Variants in SLC41A1 observed in about 807,000 individuals in gnomAD.
SLC41A1 encodes solute carrier family 41 member 1.
SLC41A1 carries 20 observed loss-of-function variants against 47.3 expected under a neutral mutation model. The observed-to-expected ratio is 0.42, with a 90% confidence interval of 0.30 to 0.61. The LOEUF is 0.61. SLC41A1 is among the 20% of genes least tolerant of loss of function. The pLI is 0.17. For synonymous variants in SLC41A1, 282 were observed against 272.7 expected (o/e 1.03, Z -0.34); for missense variants, 504 against 674.1 (o/e 0.75, Z 2.79).
chr1:205,807,643 G>A (rs559321820), intron 2 of SLC41A1, among the ~76,000 whole-genome samples: 1 of 133,424 alleles, frequency 7.5e-6, no homozygotes, highest in Non-Finnish European at 1.6e-5. Context: ...TAGGCTCCTC[G>A]TAGAGTCTTT....
At chr1:205,796,479 A>G in intron 8 of SLC41A1, 1 of 238,418 alleles carries the variant, frequency 4.2e-6, no homozygotes. Flanking sequence ...TGTTTTGCCC[A>G]TTTTGCACAT....
intron 2 of SLC41A1, among the ~76,000 whole-genome samples, chr1:205,803,830 A>G (rs143702157): frequency 2.0e-5 from 3 of 152,202 alleles, no homozygotes; most frequent in African/African-American, 4.8e-5. Flanking sequence ...TATATTGCCC[A>G]GGCTGGTCTC....
Position 205,808,912 on chromosome 1 carries a change from T to C in SLC41A1, c.372+1158A>G, listed in dbSNP as rs142281034. On this transcript the variant is annotated intron_variant, in intron 2 of 10. Coordinates refer to ENST00000367137, the MANE Select transcript of SLC41A1 (RefSeq NM_173854.6). Reference sequence around the variant, plus strand: ...TCAGTCTCCCAGGACACAGGCATGGTGAGACCTACCAGCAGAACTCTATAT... The same window carrying C: ...TCAGTCTCCCAGGACACAGGCATGGCGAGACCTACCAGCAGAACTCTATAT... 5.5e-3 allele frequency among the ~76,000 whole-genome samples: 832 copies of C among 152,338 alleles called. 12 individuals carry two copies. Among genetic ancestry groups the C allele is most frequent in the African/African-American group, 0.019 (792 of 41,574 alleles).
intron 2 of SLC41A1, among the ~76,000 whole-genome samples, chr1:205,802,464 C>T (rs1168056899): frequency 6.6e-6 from 1 of 152,160 alleles, no homozygotes; most frequent in African/African-American, 2.4e-5. Context: ...CACCTATAAT[C>T]CCAGCACTTT....
intron 2 of SLC41A1, among the ~76,000 whole-genome samples, chr1:205,802,602 A>G (rs1655911160): frequency 6.6e-6 from 1 of 151,720 alleles, no homozygotes; most frequent in Admixed American, 6.6e-5. Flanking sequence ...TTGTAATCCC[A>G]AGCTACTCGG....
intron 8 of SLC41A1, chr1:205,796,159 C>A (rs1024512313): frequency 3.1e-5 from 5 of 160,322 alleles, no homozygotes; most frequent in Non-Finnish European, 6.9e-5. Flanking sequence ...CAGCAGGCAA[C>A]CAGAGGGCAG....
intron 7 of SLC41A1, 27 bp downstream of exon 7, chr1:205,797,877 G>A: frequency 6.2e-6 from 10 of 1,613,732 alleles, no homozygotes; most frequent in East Asian, 2.2e-5. Context: ...AGTGGGGTAG[G>A]AGTGGATACT....
In SLC41A1 at chr1:205,810,338, C is replaced by T. The variant is rs753574596; in HGVS notation, c.104G>A (p.Gly35Glu). The change falls in exon 2 of 11, where the codon GGG (glycine) becomes GAG (glutamate). Residue 35 changes from glycine to glutamate, a missense_variant. Physicochemically the swap from Gly to Glu is moderately conservative, Grantham distance 98. Transcript: ENST00000367137. This position sits in a 1 kb window ranked among gnomAD's most constrained non-coding sequence, Gnocchi z 5.5. ...SDGPGREPLAGTSEFLGPDGA... is the reference protein window; with the variant it reads ...SDGPGREPLAETSEFLGPDGA... ...ATCAGGCCCCAGGAACTCTGAGGTC[C>T]CAGCCAAGGGCTCTCTCCCTGGGCC... is the stretch of plus-strand genomic sequence containing the variant. The T allele has an allele frequency of 1.9e-6, 3 of 1,614,164 alleles. No individual in the cohort carries two copies. The highest frequency in any genetic ancestry group is 2.5e-6 in the Non-Finnish European group (3 of 1,180,024).
rs1477928127 is a variant in SLC41A1, at chr1:205,810,159, A to T, written c.283T>A (p.Ser95Thr). ...PAPPSPLKETSFSIGLQVLFP... is the reference protein window; with the variant it reads ...PAPPSPLKETTFSIGLQVLFP... Reference sequence around the variant, plus strand: ...AGTACTTGCAGCCCGATGGAAAAGGAGGTCTCCTTGAGCGGGGAAGGTGGC... The same window carrying T: ...AGTACTTGCAGCCCGATGGAAAAGGTGGTCTCCTTGAGCGGGGAAGGTGGC... The change falls in exon 2 of 11, where the codon TCC becomes ACC. Residue 95 changes from serine to threonine, a missense_variant. Physicochemically the swap from Ser to Thr is moderately conservative, Grantham distance 58. This residue lies in a region of SLC41A1 where 421 missense variants were observed against 601.6 expected (regional missense o/e 0.70). Transcript: ENST00000367137. This position sits in a 1 kb window ranked among gnomAD's most constrained non-coding sequence, Gnocchi z 5.5. The T allele has an allele frequency of 7.4e-6, 12 of 1,614,222 alleles. No homozygotes were observed. The highest frequency in any genetic ancestry group is 1.0e-5 in the Non-Finnish European group (12 of 1,180,038).
chr1:205,805,879 G>C (rs901389768), intron 2 of SLC41A1, among the ~76,000 whole-genome samples: 1 of 152,198 alleles, frequency 6.6e-6, no homozygotes, highest in African/African-American at 2.4e-5. Context: ...TGCCTTCAAG[G>C]GTTCTGGCCT....
rs1310246069 is a variant in SLC41A1, at chr1:205,809,520, C to A, written c.372+550G>T. On this transcript the variant is annotated intron_variant, in intron 2 of 10. Transcript: ENST00000367137. The stretch of plus-strand genomic sequence containing the variant: ...AGACAGCAAGTGCCCACCCCCACCC[C>A]CCAAGGGGATTATGCCAAGGTTACA... Among the ~76,000 whole-genome samples, 3 of 152,218 alleles carry A rather than the reference C, an allele frequency of 2.0e-5. No individual in the cohort carries two copies. In the South Asian group the frequency reaches 6.2e-4, roughly 32 times the overall value.
In SLC41A1 at chr1:205,807,768, T is replaced by C. The variant is rs186864774; in HGVS notation, c.372+2302A>G. 1.0e-3 allele frequency among the ~76,000 whole-genome samples: 146 copies of C among 145,450 alleles called. 2 individuals are homozygous for C. Among genetic ancestry groups the C allele is most frequent in the Admixed American group, 8.6e-3 (122 of 14,124 alleles). Reference sequence around the variant, plus strand: ...ACTCCTGGGCTCAAGTGATCACTCCTATCTCAGCCTCTCAAAGTGCTGGAA... The same window carrying C: ...ACTCCTGGGCTCAAGTGATCACTCCCATCTCAGCCTCTCAAAGTGCTGGAA... On this transcript the variant is annotated intron_variant, in intron 2 of 10. Coordinates refer to ENST00000367137, the MANE Select transcript of SLC41A1 (RefSeq NM_173854.6).
In SLC41A1 at chr1:205,795,379, C is replaced by T. The variant is rs368438972; in HGVS notation, c.1172G>A (p.Arg391His). ...GAAGGTGGTACAAGGACTGGGACAG[C>T]GGCGAGGAGCTTGCTCAGAGTTCTC... ...PGENSEQAPR[R>H]CPSPCTTFFS... Residue 391 changes from arginine (R) to histidine (H), a missense_variant, in exon 9 of 11, where the codon CGC (arginine) becomes CAC (histidine). Physicochemically the swap from Arg to His is conservative, Grantham distance 29. Transcript: ENST00000367137. The T allele has an allele frequency of 3.3e-5, 53 of 1,614,058 alleles. No individual in the cohort carries two copies. The highest frequency in any genetic ancestry group is 3.4e-5 in the Non-Finnish European group (40 of 1,180,034).
chr1:205,796,292 A>T lies in SLC41A1; in HGVS notation c.1072+632T>A, dbSNP rs2102502203. On this transcript the variant is annotated intron_variant, in intron 8 of 10. Coordinates refer to ENST00000367137, the MANE Select transcript of SLC41A1 (RefSeq NM_173854.6). Reference sequence around the variant, plus strand: ...CCTATAATGCTATTCCCTCGTTACTATGGTTTGAATATAGTTTGTCCCCAA... The same window carrying T: ...CCTATAATGCTATTCCCTCGTTACTTTGGTTTGAATATAGTTTGTCCCCAA... 2 of 162,680 alleles carry T rather than the reference A, an allele frequency of 1.2e-5. 1 individual carries two copies. The highest frequency in any genetic ancestry group is 2.7e-5 in the Non-Finnish European group (2 of 74,254). 10.1% of individuals were successfully genotyped at this position (162,680 alleles called of 1,614,324 possible). A position where few individuals can be genotyped will look rare whatever the true frequency, so the allele number is the denominator to read the frequency against.
intron 2 of SLC41A1, among the ~76,000 whole-genome samples, chr1:205,802,482 C>T (rs148704260): frequency 2.7e-3 from 408 of 152,124 alleles, no homozygotes; most frequent in Middle Eastern, 6.8e-3. Flanking sequence ...TTTGGGAGGC[C>T]GAGGCGGGCA....
At position 205,791,462 on chromosome 1, in the gene SLC41A1, G is replaced by T; in HGVS notation, c.*71C>A. The T allele has an allele frequency of 6.4e-7, 1 of 1,570,822 alleles. No individual in the cohort carries two copies. The highest frequency in any genetic ancestry group is 8.7e-7 in the Non-Finnish European group (1 of 1,143,926). On this transcript the variant is annotated 3_prime_UTR_variant, in exon 11 of 11. Transcript: ENST00000367137. The surrounding 1 kb of genome is among the most constrained non-coding windows in gnomAD (Gnocchi z 4.0). ...AGAGGTGGGAGTGTGGGGTGGAGGA[G>T]GGACAGGGGAACAAAAGAAAAATTT...
chr1:205,795,211 C>A, intron 9 of SLC41A1, 133 bp downstream of exon 9: 4 of 1,507,628 alleles, frequency 2.7e-6, no homozygotes, highest in Non-Finnish European at 3.6e-6. Flanking sequence ...GGGCTCTGCC[C>A]TTCAGAACAG....
At chr1:205,792,524 C>T (rs766452524) in intron 10 of SLC41A1, among the ~76,000 whole-genome samples, 1 of 152,142 alleles carries the variant, frequency 6.6e-6, no homozygotes, top group African/African-American at 2.4e-5. Flanking sequence ...CGCTAGTGGG[C>T]CCAGGACCAG....
intron 6 of SLC41A1, 93 bp downstream of exon 6, chr1:205,798,576 G>C: frequency 6.4e-7 from 1 of 1,566,470 alleles, no homozygotes; most frequent in Non-Finnish European, 8.8e-7. Context: ...AATAGTTTAA[G>C]AACACAGAAG....
Sources: gnomAD v4.1 joint callset for allele counts (sites outside exome capture counted in the v4.1 genomes callset) on GRCh38, gnomAD v4.1.1 for gene constraint, gnomAD v4.1.1 regional missense constraint, Gnocchi (gnomAD v3.1) non-coding constraint, MANE v1.5 for transcripts, NCBI Gene and HGNC (gene_info 2026-07-23, HGNC 2026-07-21) for gene names.